FER1L6: variants seen among roughly 807,000 people sequenced by gnomAD.
FER1L6 encodes the protein fer-1-like protein 6.
In FER1L6, 177 loss-of-function variants were observed where a neutral mutation model predicts 219.2. The ratio of observed to expected loss-of-function variants is 0.81; its 90% CI spans 0.71 to 0.91. The LOEUF is 0.91. Ranked by LOEUF, FER1L6 falls within the 40% of genes least tolerant of loss-of-function variation. The pLI, the probability that FER1L6 is intolerant of heterozygous loss-of-function variation, is 0.00. For synonymous variants in FER1L6, 768 were observed against 824.3 expected, an observed-to-expected ratio of 0.93 and a Z score of 1.17; for missense variants, 2,153 against 2,259.9, an observed-to-expected ratio of 0.95 and a Z score of 0.96.
intron 29 of FER1L6, among the ~76,000 whole-genome samples, chr8:124,069,711 A>G (rs1820986538): frequency 6.6e-6 from 1 of 152,206 alleles, no homozygotes; most frequent in African/African-American, 2.4e-5. Flanking sequence ...TTTAATGTGG[A>G]CCTTACAAAG....
chr8:123,878,811 G>A (rs1017789971), intron 1 of FER1L6, among the ~76,000 whole-genome samples: 2 of 152,072 alleles, frequency 1.3e-5, no homozygotes, highest in African/African-American at 4.8e-5. Context: ...CCTTGTCACT[G>A]CTAAAAATAG....
At chr8:124,089,302 A>G (rs1821919189) in intron 33 of FER1L6, among the ~76,000 whole-genome samples, 3 of 152,142 alleles carry the variant, frequency 2.0e-5, no homozygotes, top group African/African-American at 4.8e-5. Flanking sequence ...CTGAGTTCCA[A>G]TCCGAAGTCC....
chr8:123,883,923 C>T (rs1194243983), intron 1 of FER1L6, among the ~76,000 whole-genome samples: 2 of 152,226 alleles, frequency 1.3e-5, no homozygotes, highest in African/African-American at 4.8e-5. Flanking sequence ...TTACTTAATA[C>T]AATCATGTTG....
chr8:124,067,678 C>A, intron 27 of FER1L6, 89 bp from the exon 28 acceptor site: 1 of 1,146,076 alleles, frequency 8.7e-7, no homozygotes, highest in East Asian at 2.5e-5. Flanking sequence ...AATAGTGTCT[C>A]TGGGAATGCA....
chr8:124,069,512 G>C (rs375857923), intron 29 of FER1L6, 37 bp downstream of exon 29: 1 of 1,464,736 alleles, frequency 6.8e-7, no homozygotes, highest in South Asian at 1.2e-5. Flanking sequence ...CATGGATGGG[G>C]AGGGATGCTC....
In FER1L6 at chr8:123,919,497, T is replaced by C. The variant is rs1012307688; in HGVS notation, c.-7-36495T>C. 5.9e-5 allele frequency among the ~76,000 whole-genome samples: 9 copies of C among 152,010 alleles called. No homozygotes were observed. The South Asian group carries it at 1.2e-3, about 21-fold the overall frequency. On this transcript the variant is annotated intron_variant, in intron 1 of 40. Coordinates refer to ENST00000522917, the MANE Select transcript of FER1L6 (RefSeq NM_001039112.2). ...TACAGGTGCCCCTCAGTGCTTGCCC[T>C]GGGGGGCCTGCCACAGCACAGCACT...
chr8:123,949,923 G>A (rs1334480636), intron 1 of FER1L6, among the ~76,000 whole-genome samples: 1 of 152,212 alleles, frequency 6.6e-6, no homozygotes, highest in Non-Finnish European at 1.5e-5. Context: ...AAAGATAGGA[G>A]TTTGAAGATT....
At chr8:123,906,461 G>GACA (rs373547075) in intron 1 of FER1L6, among the ~76,000 whole-genome samples, 2 of 151,992 alleles carry the variant, frequency 1.3e-5, no homozygotes, top group East Asian at 3.9e-4. Context: ...TTTAGTGTTT[G>GACA]ACAACAACAA....
At chr8:123,969,815 C>T (rs1815712704) in intron 5 of FER1L6, among the ~76,000 whole-genome samples, 2 of 150,218 alleles carry the variant, frequency 1.3e-5, no homozygotes, top group African/African-American at 4.9e-5. Flanking sequence ...TGCAGTGAGC[C>T]CTAATTGTGC....
At chr8:124,054,912 A>C (rs1820212098) in intron 22 of FER1L6, among the ~76,000 whole-genome samples, 1 of 152,216 alleles carries the variant, frequency 6.6e-6, no homozygotes, top group African/African-American at 2.4e-5. Context: ...GATCCAGTGT[A>C]TTCCGAAGGG....
intron 1 of FER1L6, among the ~76,000 whole-genome samples, chr8:123,879,049 G>C (rs1817060102): frequency 6.6e-6 from 1 of 152,174 alleles, no homozygotes; most frequent in African/African-American, 2.4e-5. Flanking sequence ...TCAAGGAAGG[G>C]AGAAAGAAAG....
At chr8:124,020,586 C>T (rs1448477920) in intron 16 of FER1L6, among the ~76,000 whole-genome samples, 1 of 152,166 alleles carries the variant, frequency 6.6e-6, no homozygotes, top group Non-Finnish European at 1.5e-5. Context: ...CAGCATTTCT[C>T]ATACGATGTC....
intron 18 of FER1L6, among the ~76,000 whole-genome samples, chr8:124,031,662 G>T (rs1818970451): frequency 6.6e-6 from 1 of 152,210 alleles, no homozygotes; most frequent in South Asian, 2.1e-4. Context: ...AGGGAAGAGA[G>T]ATTCTAGTTT....
chr8:124,097,770 C>A lies in FER1L6; in HGVS notation c.4785-15C>A, dbSNP rs1044709883. 3 of 1,419,274 alleles carry A rather than the reference C, an allele frequency of 2.1e-6. No individual in the cohort carries two copies. Among genetic ancestry groups the A allele is most frequent in the South Asian group, 2.3e-5 (2 of 87,042 alleles). The allele number at this position is 1,419,274 out of a possible 1,614,324, so 87.9% of individuals were successfully genotyped here. ...TTCAAGGTCATCGACCTAATGCTTC[C>A]TTCTCCCATCCCAGATACGAATTGA... On this transcript the variant is annotated splice_polypyrimidine_tract_variant and intron_variant, in intron 36 of 40. Coordinates refer to ENST00000522917, the MANE Select transcript of FER1L6 (RefSeq NM_001039112.2).
At chr8:124,082,040 G>A (rs796130908) in intron 32 of FER1L6, among the ~76,000 whole-genome samples, 5 of 152,338 alleles carry the variant, frequency 3.3e-5, no homozygotes, top group African/African-American at 1.2e-4. Flanking sequence ...TGTCACCCTA[G>A]TTGAAGACTA....
intron 38 of FER1L6, among the ~76,000 whole-genome samples, chr8:124,102,746 G>C (rs1207205212): frequency 1.3e-5 from 2 of 152,212 alleles, no homozygotes; most frequent in East Asian, 1.9e-4. Flanking sequence ...TGGACACCAA[G>C]AGAGAGGTGA....
chr8:124,049,888 G>T, intron 22 of FER1L6, 132 bp downstream of exon 22: 1 of 923,516 alleles, frequency 1.1e-6, no homozygotes, highest in Non-Finnish European at 1.7e-6. Context: ...GTGTCTCCTG[G>T]GGACCTGAGA....
intron 1 of FER1L6, among the ~76,000 whole-genome samples, chr8:123,871,629 A>G (rs1816925735): frequency 6.6e-6 from 1 of 152,254 alleles, no homozygotes; most frequent in South Asian, 2.1e-4. Flanking sequence ...AATAGAATAG[A>G]TAAATCTCCC....
At chr8:123,905,115 T>C (rs1358284972) in intron 1 of FER1L6, among the ~76,000 whole-genome samples, 1 of 152,152 alleles carries the variant, frequency 6.6e-6, no homozygotes, top group Non-Finnish European at 1.5e-5. Context: ...CCAGGAAACA[T>C]GTGCAAGACG....
Sources: allele counts gnomAD v4.1 joint callset (sites outside exome capture counted in the v4.1 genomes callset), GRCh38; gene constraint gnomAD v4.1.1; transcripts MANE v1.5; gene names NCBI Gene and HGNC (gene_info 2026-07-23, HGNC 2026-07-21).